Variants in TET1 observed in about 807,000 individuals in gnomAD.
TET1 encodes the protein methylcytosine dioxygenase TET1.
A neutral mutation model predicts 148.7 loss-of-function variants in TET1; 13 were observed. The observed-to-expected ratio is 0.09, with a 90% CI of 0.06 to 0.14. The LOEUF (loss-of-function observed/expected upper bound fraction) is 0.14. Ranked by LOEUF, TET1 falls within the 10% of genes least tolerant of loss-of-function variation. The pLI is 1.00. For missense variants in TET1, 2,182 were observed against 2,553.8 expected (o/e 0.85, Z 3.14); for synonymous variants, 907 against 937.2 (o/e 0.97, Z 0.59).
At chr10:68,638,443 G>A (rs1217049076) in intron 3 of TET1, among the ~76,000 whole-genome samples, 1 of 152,152 alleles carries the variant, frequency 6.6e-6, no homozygotes, top group East Asian at 1.9e-4. Flanking sequence ...AAAATTGGAT[G>A]TTGGTGAGTG....
intron 2 of TET1, 84 bp downstream of exon 2, chr10:68,574,336 G>A: frequency 9.4e-7 from 1 of 1,064,386 alleles, no homozygotes; most frequent in African/African-American, 1.6e-5. Flanking sequence ...TGTCTCTAGT[G>A]TCTCTATGTA....
chr10:68,573,172 A>G lies in TET1; in HGVS notation c.834A>G (p.Glu278=). 1 of 1,614,170 alleles carries G rather than the reference A, an allele frequency of 6.2e-7. No individual in the cohort carries two copies. Among genetic ancestry groups the G allele is most frequent in the Non-Finnish European group, 8.5e-7 (1 of 1,180,032 alleles). The change falls in exon 2 of 12, where the codon GAA becomes GAG. Residue 278 remains glutamate (E), a synonymous_variant. Transcript: ENST00000373644. ...IQLEELGSRV[E]SLKLSDSYLD... ...TAGAAGAGTTGGGTTCACGAGTAGA[A>G]TCTCTTAAGTTATCTGATTCTTACC...
intron 3 of TET1, among the ~76,000 whole-genome samples, chr10:68,610,596 T>TA (rs1199524035): frequency 2.6e-5 from 4 of 151,968 alleles, no homozygotes; most frequent in Admixed American, 2.0e-4. Flanking sequence ...TCTCAAAAGA[T>TA]AAAAAAACAC....
chr10:68,595,961 T>TATATATATAC (rs1388095909), intron 2 of TET1, among the ~76,000 whole-genome samples: 4 of 37,292 alleles, frequency 1.1e-4, no homozygotes, highest in African/African-American at 3.5e-4. Flanking sequence ...TATATATATA[T>TATATATATAC]ACACACACAC....
At chr10:68,576,373 A>T (rs1387169712) in intron 2 of TET1, among the ~76,000 whole-genome samples, 1 of 146,898 alleles carries the variant, frequency 6.8e-6, no homozygotes, top group African/African-American at 2.5e-5. Context: ...AAGTATTGTG[A>T]GGTTTAGGCC....
intron 2 of TET1, among the ~76,000 whole-genome samples, chr10:68,588,822 C>CA (rs61499996): frequency 0.32 from 46,105 of 145,228 alleles, 7,867 homozygotes; most frequent in Middle Eastern, 0.42. Flanking sequence ...GACCCTGTCT[C>CA]AAAAAAAAAA....
At chr10:68,621,662 T>C (rs2054373796) in intron 3 of TET1, among the ~76,000 whole-genome samples, 1 of 152,220 alleles carries the variant, frequency 6.6e-6, no homozygotes, top group African/African-American at 2.4e-5. Context: ...GGGTGTTTCT[T>C]CTGGTTTTCC....
chr10:68,645,463 A>G lies in TET1; in HGVS notation c.2734A>G (p.Lys912Glu). Residue 912 changes from lysine (K) to glutamate (E), a missense_variant, in exon 4 of 12, where the codon AAG (lysine) becomes GAG (glutamate). Physicochemically the swap from Lys to Glu is moderately conservative, Grantham distance 56. Coordinates refer to ENST00000373644, the MANE Select transcript of TET1 (RefSeq NM_030625.3). ...EAPSENSSPS[K>E]SEKDEESEQR... ...CCCATCAGAGAATTCCTCCCCATCA[A>G]AGTCAGAGAAGGATGAGGAATCAGA... is the stretch of plus-strand genomic sequence containing the variant. 6.2e-7 allele frequency: 1 copy of G among 1,613,860 alleles called. No individual in the cohort carries two copies. Among genetic ancestry groups the G allele is most frequent in the Non-Finnish European group, 8.5e-7 (1 of 1,180,024 alleles).
chr10:68,654,582 A>G (rs1469884692), intron 6 of TET1, among the ~76,000 whole-genome samples: 2 of 152,188 alleles, frequency 1.3e-5, no homozygotes, highest in Non-Finnish European at 2.9e-5. Context: ...GTGCCTCTGC[A>G]CTCCAGCCTG....
In TET1 at chr10:68,573,603, G is replaced by A; in HGVS notation, c.1265G>A (p.Ser422Asn). Residue 422 changes from serine to asparagine, a missense_variant, in exon 2 of 12, where the codon AGT becomes AAT. Ser to Asn is a conservative substitution (Grantham distance 46). Coordinates refer to ENST00000373644, the MANE Select transcript of TET1 (RefSeq NM_030625.3). ...ILDQQETLGMSGSVVPDLPVF... is the reference protein window; with the variant it reads ...ILDQQETLGMNGSVVPDLPVF... ...GACCAACAAGAAACTCTTGGTATGAGTGGGAGTGTTGTCCCAGACTTGCCT... is the reference window on the plus strand; with the variant it reads ...GACCAACAAGAAACTCTTGGTATGAATGGGAGTGTTGTCCCAGACTTGCCT... 6.2e-7 allele frequency: 1 copy of A among 1,614,188 alleles called. No homozygotes were observed. The highest frequency in any genetic ancestry group is 1.1e-5 in the South Asian group (1 of 91,088).
intron 1 of TET1, 108 bp downstream of exon 1, chr10:68,560,850 G>C (rs1375744404): frequency 1.3e-5 from 2 of 152,558 alleles, no homozygotes; most frequent in African/African-American, 4.8e-5. Flanking sequence ...GGATGTGGCC[G>C]GGGCTCTGCG....
chr10:68,597,823 T>C (rs910551846), intron 2 of TET1, among the ~76,000 whole-genome samples: 10 of 152,226 alleles, frequency 6.6e-5, no homozygotes, highest in African/African-American at 2.4e-4. Flanking sequence ...AATATTATGC[T>C]ATTAATAAGT....
chr10:68,592,333 AAAAAC>A (rs771122351), intron 2 of TET1, among the ~76,000 whole-genome samples: 2 of 151,194 alleles, frequency 1.3e-5, no homozygotes, highest in Non-Finnish European at 2.9e-5. Flanking sequence ...AGAAAAAACA[AAAAAC>A]AAAACAAAAC....
chr10:68,666,397 A>G (rs2055196163), intron 6 of TET1, among the ~76,000 whole-genome samples: 1 of 152,130 alleles, frequency 6.6e-6, no homozygotes, highest in Non-Finnish European at 1.5e-5. Context: ...GAGTCACCCA[A>G]AGGAAAAGCC....
chr10:68,563,982 G>A (rs1197299259), intron 1 of TET1, among the ~76,000 whole-genome samples: 1 of 152,094 alleles, frequency 6.6e-6, no homozygotes, highest in Non-Finnish European at 1.5e-5. Context: ...GCACCAGCCA[G>A]TTCTTTGCAG....
At chr10:68,596,232 G>C (rs1439941204) in intron 2 of TET1, among the ~76,000 whole-genome samples, 1 of 151,046 alleles carries the variant, frequency 6.6e-6, no homozygotes, top group East Asian at 1.9e-4. Context: ...GGTTATTTTA[G>C]GATATTTACA....
At chr10:68,690,468 C>T (rs1410675598) in intron 11 of TET1, among the ~76,000 whole-genome samples, 6 of 152,070 alleles carry the variant, frequency 3.9e-5, no homozygotes, top group African/African-American at 7.2e-5. Flanking sequence ...ATTAGCCAGG[C>T]GTGGTGGCAG....
chr10:68,645,561 A>G lies in TET1; in HGVS notation c.2832A>G (p.Pro944=). Reference sequence around the variant, plus strand: ...CTGTAAGAAAAGACCTCCAAGACCCAAACTTACAGGGAGAGCCACCAAAAC... The same window carrying G: ...CTGTAAGAAAAGACCTCCAAGACCCGAACTTACAGGGAGAGCCACCAAAAC... ...LYTVRKDLQD[P]NLQGEPPKLN... is the part of the protein sequence containing the mutation. The change falls in exon 4 of 12, where the codon CCA becomes CCG. Residue 944 remains proline (P), a synonymous_variant. Coordinates refer to ENST00000373644, the MANE Select transcript of TET1 (RefSeq NM_030625.3). 1 of 1,614,186 alleles carries G rather than the reference A, an allele frequency of 6.2e-7. No individual in the cohort carries two copies. The highest frequency in any genetic ancestry group is 8.5e-7 in the Non-Finnish European group (1 of 1,180,024).
chr10:68,587,449 G>T (rs754249243), intron 2 of TET1, among the ~76,000 whole-genome samples: 46 of 152,258 alleles, frequency 3.0e-4, no homozygotes, highest in Middle Eastern at 6.8e-3. Flanking sequence ...ATTGCAGGGA[G>T]ATTTGTCTAC....
Sources: allele counts gnomAD v4.1 joint callset (sites outside exome capture counted in the v4.1 genomes callset), GRCh38; gene constraint gnomAD v4.1.1; transcripts MANE v1.5; gene names NCBI Gene and HGNC (gene_info 2026-07-23, HGNC 2026-07-21).